The following ADCY1 variants were observed in gnomAD, a reference collection of about 807,000 sequenced individuals.
The protein encoded by ADCY1 is adenylate cyclase type 1.
In ADCY1, 28 loss-of-function variants were observed where a neutral mutation model predicts 105.4. That is an observed-to-expected ratio of 0.27 (90% CI 0.20 to 0.36). The LOEUF (loss-of-function observed/expected upper bound fraction) is 0.36, where lower values mean the gene tolerates loss of function less well. ADCY1 is among the 10% of genes least tolerant of loss of function. ADCY1 has a pLI of 1.00. For missense variants in ADCY1, 977 were observed against 1,434.2 expected (o/e 0.68, Z 5.15); for synonymous variants, 655 against 623.8 (o/e 1.05, Z -0.75).
Position 45,649,017 on chromosome 7 carries a change from C to T in ADCY1, c.1148+220C>T, listed in dbSNP as rs145598308. On this transcript the variant is annotated intron_variant, in intron 5 of 19. Transcript: ENST00000297323. Reference sequence around the variant, plus strand: ...TCCGTGATTCCCTGCCTTTACATTTCGTGTGTGGCTGTATTTCTTTGTCCA... The same window carrying T: ...TCCGTGATTCCCTGCCTTTACATTTTGTGTGTGGCTGTATTTCTTTGTCCA... Among the ~76,000 whole-genome samples the T allele has an allele frequency of 5.4e-3, 828 of 152,280 alleles. 6 individuals are homozygous for T. The highest frequency in any genetic ancestry group is 0.018 in the African/African-American group (762 of 41,554).
At chr7:45,633,856 T>C (rs1273217428) in intron 4 of ADCY1, among the ~76,000 whole-genome samples, 2 of 151,372 alleles carry the variant, frequency 1.3e-5, no homozygotes, top group Non-Finnish European at 2.9e-5. Context: ...AAATTACTTA[T>C]AGCAAAAACC....
At position 45,714,026 on chromosome 7, in the gene ADCY1, T is replaced by G; in HGVS notation, c.*31T>G. 1.3e-6 allele frequency: 1 copy of G among 750,992 alleles called. No homozygotes were observed. The highest frequency in any genetic ancestry group is 2.5e-6 in the Non-Finnish European group (1 of 401,746). The allele number at this position is 750,992 out of a possible 1,614,324, so 46.5% of individuals were successfully genotyped here. ...CCCACGTGGGCCTCTGGGGTGCACA[T>G]GGGGTGGGAATGCTCCGGGGGTGAC... On this transcript the variant is annotated 3_prime_UTR_variant, in exon 20 of 20. Coordinates refer to ENST00000297323, the MANE Select transcript of ADCY1 (RefSeq NM_021116.4).
intron 4 of ADCY1, among the ~76,000 whole-genome samples, chr7:45,631,767 C>T (rs1308652559): frequency 6.6e-6 from 1 of 152,194 alleles, no homozygotes; most frequent in Non-Finnish European, 1.5e-5. Context: ...CACAAATAAT[C>T]ACAATCATTT....
chr7:45,625,073 C>T (rs1346041106), intron 4 of ADCY1, among the ~76,000 whole-genome samples: 1 of 152,168 alleles, frequency 6.6e-6, no homozygotes, highest in Non-Finnish European at 1.5e-5. Flanking sequence ...AGTGCTGGCT[C>T]CTAGGAGAGG....
intron 14 of ADCY1, among the ~76,000 whole-genome samples, chr7:45,700,996 C>A (rs990527437): frequency 3.9e-5 from 6 of 152,196 alleles, no homozygotes; most frequent in African/African-American, 9.7e-5. Flanking sequence ...GCATCCTGGT[C>A]AGTGATTTCT....
chr7:45,658,901 A>G (rs548723334), intron 6 of ADCY1, among the ~76,000 whole-genome samples: 1 of 152,310 alleles, frequency 6.6e-6, no homozygotes, highest in Middle Eastern at 3.4e-3. Flanking sequence ...CCCCAGGCCA[A>G]TGGGAGCTGC....
chr7:45,711,636 T>C (rs1785234787), intron 19 of ADCY1, among the ~76,000 whole-genome samples: 1 of 22,722 alleles, frequency 4.4e-5, no homozygotes, highest in East Asian at 7.7e-4. Context: ...TATATATATA[T>C]ATATATATAC....
At chr7:45,578,131 T>C (rs1289559736) in intron 1 of ADCY1, among the ~76,000 whole-genome samples, 1 of 152,150 alleles carries the variant, frequency 6.6e-6, no homozygotes, top group African/African-American at 2.4e-5. Context: ...GCCCCAGGAC[T>C]CTGGGGGGCA....
At chr7:45,585,653 G>C (rs891526175) in intron 1 of ADCY1, among the ~76,000 whole-genome samples, 4 of 151,990 alleles carry the variant, frequency 2.6e-5, no homozygotes, top group African/African-American at 9.7e-5. Context: ...TCTCCATGTT[G>C]GTCAGGCTGG....
At chr7:45,656,607 G>GC (rs1794951719) in intron 5 of ADCY1, among the ~76,000 whole-genome samples, 2 of 152,214 alleles carry the variant, frequency 1.3e-5, no homozygotes, top group African/African-American at 4.8e-5. Flanking sequence ...GTTGTGTGGA[G>GC]CAGGTGCTCC....
At chr7:45,611,277 A>G (rs1047771023) in intron 3 of ADCY1, among the ~76,000 whole-genome samples, 8 of 151,986 alleles carry the variant, frequency 5.3e-5, no homozygotes, top group Non-Finnish European at 1.0e-4. Flanking sequence ...ACATCTGCCT[A>G]GCAGGGAAAC....
At chr7:45,696,332 G>A (rs1440531651) in intron 14 of ADCY1, among the ~76,000 whole-genome samples, 3 of 151,326 alleles carry the variant, frequency 2.0e-5, no homozygotes, top group Non-Finnish European at 2.9e-5. Flanking sequence ...CCAGCTCCTC[G>A]GGAAGCTGAG....
chr7:45,713,466 G>A (rs752613282), intron 19 of ADCY1, among the ~76,000 whole-genome samples: 16 of 152,226 alleles, frequency 1.1e-4, no homozygotes, highest in Non-Finnish European at 2.1e-4. Flanking sequence ...CTCCGAGTCC[G>A]CTGGGTTGTC....
At chr7:45,610,955 GGT>G (rs1793562459) in intron 3 of ADCY1, among the ~76,000 whole-genome samples, 2 of 151,170 alleles carry the variant, frequency 1.3e-5, no homozygotes, top group Non-Finnish European at 3.0e-5. Context: ...TGATAGTGGA[GGT>G]GTAGAGGTGA....
intron 14 of ADCY1, among the ~76,000 whole-genome samples, chr7:45,691,985 T>G (rs1784794028): frequency 2.0e-5 from 3 of 152,212 alleles, no homozygotes. Flanking sequence ...TGTACGCTTG[T>G]TAGTCGTCAT....
chr7:45,653,202 G>A (rs961574854), intron 5 of ADCY1, among the ~76,000 whole-genome samples: 2 of 152,200 alleles, frequency 1.3e-5, no homozygotes, highest in African/African-American at 2.4e-5. Context: ...CTCCTGAAGA[G>A]CTGTGTGACC....
In ADCY1 at chr7:45,678,021, C is replaced by T; in HGVS notation, c.1758C>T (p.Asn586=). The T allele has an allele frequency of 2.5e-6, 4 of 1,614,184 alleles. No individual in the cohort carries two copies. The highest frequency in any genetic ancestry group is 3.4e-6 in the Non-Finnish European group (4 of 1,180,032). ...CAGAGCTGGAGATGGCAGACCTGAACTTCTTTACCCTGAAGTACAAACATG... is the reference window on the plus strand; with the variant it reads ...CAGAGCTGGAGATGGCAGACCTGAATTTCTTTACCCTGAAGTACAAACATG... ...RQTELEMADL[N]FFTLKYKHVE... Residue 586 remains asparagine, a synonymous_variant, in exon 9 of 20, where the codon AAC becomes AAT. Coordinates refer to ENST00000297323, the MANE Select transcript of ADCY1 (RefSeq NM_021116.4).
intron 19 of ADCY1, among the ~76,000 whole-genome samples, chr7:45,712,749 A>C (rs2116286918): frequency 6.6e-6 from 1 of 152,282 alleles, no homozygotes; most frequent in East Asian, 1.9e-4. Flanking sequence ...AGGAAGTTCC[A>C]AGATCACACC....
At position 45,592,795 on chromosome 7, in the gene ADCY1, A is replaced by G; in HGVS notation, c.676A>G (p.Met226Val). 1 of 1,614,122 alleles carries G rather than the reference A, an allele frequency of 6.2e-7. No homozygotes were observed. Among genetic ancestry groups the G allele is most frequent in the Non-Finnish European group, 8.5e-7 (1 of 1,180,016 alleles). The change falls in exon 2 of 20, where the codon ATG (methionine) becomes GTG (valine). Residue 226 changes from methionine (M) to valine (V), a missense_variant. Physicochemically the swap from Met to Val is conservative, Grantham distance 21 (BLOSUM62 1). Transcript: ENST00000297323. ...ANALLFVGVN[M>V]YGVFVRILTE... is the part of the protein sequence containing the mutation. ...TGCCTTGCTCTTCGTCGGTGTGAACATGTATGGGGTCTTTGTGCGGATTCT... is the reference window on the plus strand; with the variant it reads ...TGCCTTGCTCTTCGTCGGTGTGAACGTGTATGGGGTCTTTGTGCGGATTCT...
Sources: allele counts gnomAD v4.1 joint callset (sites outside exome capture counted in the v4.1 genomes callset), GRCh38; gene constraint gnomAD v4.1.1; transcripts MANE v1.5; gene names NCBI Gene and HGNC (gene_info 2026-07-23, HGNC 2026-07-21).